ALK: variants seen among roughly 807,000 people sequenced by gnomAD.
ALK encodes the protein ALK tyrosine kinase receptor.
In ALK, 74 loss-of-function variants were observed where a neutral mutation model predicts 163.1. The ratio of observed to expected loss-of-function variants is 0.45; its 90% CI spans 0.38 to 0.55. ALK has a LOEUF of 0.55. Among genes scored for constraint, ALK ranks in the 20% least tolerant of loss-of-function variants. ALK has a pLI of 0.00. For missense variants in ALK, 2,063 were observed against 2,105.3 expected (o/e 0.98, Z 0.39); for synonymous variants, 960 against 843.2 (o/e 1.14, Z -2.40).
intron 2 of ALK, among the ~76,000 whole-genome samples, chr2:29,697,598 T>C (rs558659028): frequency 1.1e-4 from 17 of 152,276 alleles, no homozygotes; most frequent in Non-Finnish European, 2.2e-4. Flanking sequence ...TTCAACCACC[T>C]CTTACTTCAT....
intron 3 of ALK, among the ~76,000 whole-genome samples, chr2:29,536,358 C>A (rs1443546002): frequency 1.3e-5 from 2 of 150,650 alleles, no homozygotes; most frequent in Non-Finnish European, 2.9e-5. Flanking sequence ...CTAGGACCTC[C>A]CCTCCTTTCT....
intron 1 of ALK, among the ~76,000 whole-genome samples, chr2:29,775,800 A>G (rs1321273544): frequency 6.6e-6 from 1 of 152,200 alleles, no homozygotes; most frequent in Non-Finnish European, 1.5e-5. Flanking sequence ...CTGGCAATGG[A>G]TAGTAACCAC....
chr2:29,555,614 T>C (rs2148178583), intron 3 of ALK, among the ~76,000 whole-genome samples: 1 of 152,302 alleles, frequency 6.6e-6, no homozygotes, highest in East Asian at 1.9e-4. Flanking sequence ...ATGATTTATA[T>C]TGACTTCAAT....
chr2:29,318,693 A>G (rs575610372), intron 7 of ALK, among the ~76,000 whole-genome samples: 14 of 151,902 alleles, frequency 9.2e-5, no homozygotes, highest in African/African-American at 1.9e-4. Context: ...CAGCCTCCCA[A>G]GTGGCAGACT....
chr2:29,221,119 G>C (rs1669791996), intron 22 of ALK: 1 of 585,548 alleles, frequency 1.7e-6, no homozygotes, highest in Non-Finnish European at 3.3e-6. Context: ...TGTCTCAGGG[G>C]GCAGGAGAGT....
At chr2:29,605,440 A>C (rs1675517262) in intron 3 of ALK, among the ~76,000 whole-genome samples, 1 of 152,202 alleles carries the variant, frequency 6.6e-6, no homozygotes. Flanking sequence ...CTATAGACTA[A>C]ATGTTCAAAA....
intron 2 of ALK, among the ~76,000 whole-genome samples, chr2:29,716,755 A>T (rs1679267631): frequency 6.6e-6 from 1 of 152,110 alleles, no homozygotes. Flanking sequence ...AACCAAAATA[A>T]TATCAAAGAA....
intron 3 of ALK, among the ~76,000 whole-genome samples, chr2:29,627,779 C>A (rs1676239157): frequency 6.6e-6 from 1 of 152,180 alleles, no homozygotes; most frequent in African/African-American, 2.4e-5. Flanking sequence ...AACAATTCAT[C>A]TTTCTGTCAG....
chr2:29,907,877 C>T lies in ALK; in HGVS notation c.667+12116G>A, dbSNP rs921296708. Among the ~76,000 whole-genome samples the T allele has an allele frequency of 4.5e-4, 68 of 152,266 alleles. 1 individual carries two copies. The highest frequency in any genetic ancestry group is 9.1e-4 in the Non-Finnish European group (62 of 68,016). On this transcript the variant is annotated intron_variant, in intron 1 of 28. Transcript: ENST00000389048. ...TCATGCCAACCACTTGCCCCTCAAACCAGATCCTCTTCCCAACTGTCTTCT... is the reference window on the plus strand; with the variant it reads ...TCATGCCAACCACTTGCCCCTCAAATCAGATCCTCTTCCCAACTGTCTTCT...
intron 4 of ALK, among the ~76,000 whole-genome samples, chr2:29,397,315 G>C (rs1669334950): frequency 6.6e-6 from 1 of 152,138 alleles, no homozygotes; most frequent in Non-Finnish European, 1.5e-5. Context: ...GGATTAGGGT[G>C]ATGTATACCA....
chr2:29,910,284 G>A (rs552321791), intron 1 of ALK, among the ~76,000 whole-genome samples: 121 of 150,176 alleles, frequency 8.1e-4, no homozygotes, highest in Admixed American at 3.0e-3. Context: ...AAGAAAAGAG[G>A]GTGAACTTCA....
intron 11 of ALK, among the ~76,000 whole-genome samples, chr2:29,272,649 C>T (rs770862904): frequency 4.6e-5 from 7 of 152,202 alleles, no homozygotes; most frequent in Non-Finnish European, 7.3e-5. Flanking sequence ...CCAACCACCT[C>T]GTTCCAGCCC....
intron 1 of ALK, among the ~76,000 whole-genome samples, chr2:29,839,780 T>A (rs1041260505): frequency 6.6e-6 from 1 of 152,182 alleles, no homozygotes; most frequent in African/African-American, 2.4e-5. Context: ...TTCTCTGGAT[T>A]TCTGTGGCTC....
At chr2:29,396,836 G>GTGTTTTTTT (rs1669318730) in intron 4 of ALK, among the ~76,000 whole-genome samples, 1 of 46,604 alleles carries the variant, frequency 2.1e-5, no homozygotes. Context: ...TGTTACTATG[G>GTGTTTTTTT]TTTTTTTTTT....
chr2:29,307,681 G>C (rs1290540413), intron 8 of ALK, among the ~76,000 whole-genome samples: 1 of 152,166 alleles, frequency 6.6e-6, no homozygotes, highest in Non-Finnish European at 1.5e-5. Flanking sequence ...CCATCTTCTA[G>C]TTCACCTGGA....
At chr2:29,508,716 AT>A (rs1672416849) in intron 4 of ALK, among the ~76,000 whole-genome samples, 1 of 137,816 alleles carries the variant, frequency 7.3e-6, no homozygotes, top group African/African-American at 2.9e-5. Flanking sequence ...ACCCAAAAAA[AT>A]CCCATATCTG....
intron 4 of ALK, among the ~76,000 whole-genome samples, chr2:29,512,336 G>A (rs7557214): frequency 0.29 from 42,266 of 148,280 alleles, 6,165 homozygotes; most frequent in East Asian, 0.36. Flanking sequence ...TGCAAGGCTG[G>A]TTCAATATAC....
rs186324599 is a variant in ALK, at chr2:29,616,002, C to T, written c.952+78848G>A. 1.6e-3 allele frequency among the ~76,000 whole-genome samples: 245 copies of T among 152,336 alleles called. 2 individuals carry two copies. Among genetic ancestry groups the T allele is most frequent in the African/African-American group, 5.6e-3 (234 of 41,586 alleles). On this transcript the variant is annotated intron_variant, in intron 3 of 28. Coordinates refer to ENST00000389048, the MANE Select transcript of ALK (RefSeq NM_004304.5). ...TGCAGAGGCCAGGGCCTGGGCCCCT[C>T]CCACCTAAATGATTTCTACTCAAAG...
intron 1 of ALK, among the ~76,000 whole-genome samples, chr2:29,845,687 G>A (rs1665824857): frequency 6.6e-6 from 1 of 152,192 alleles, no homozygotes; most frequent in African/African-American, 2.4e-5. Flanking sequence ...ACCTGCCTCA[G>A]CCTCCAAAAG....
Sources: gnomAD v4.1 joint callset for allele counts (sites outside exome capture counted in the v4.1 genomes callset) on GRCh38, gnomAD v4.1.1 for gene constraint, MANE v1.5 for transcripts, NCBI Gene and HGNC (gene_info 2026-07-23, HGNC 2026-07-21) for gene names.